Variants in LURAP1L observed in about 807,000 individuals in gnomAD.
LURAP1L encodes leucine rich adaptor protein 1-like.
In LURAP1L, 12 loss-of-function variants were observed where a neutral mutation model predicts 13.8. That is an observed-to-expected ratio of 0.87 (90% confidence interval 0.56 to 1.41). The LOEUF (loss-of-function observed/expected upper bound fraction) is 1.41, where lower values mean the gene tolerates loss of function less well. Ranked by LOEUF, LURAP1L falls within the 40% of genes most tolerant of loss-of-function variation. LURAP1L has a pLI of 0.00. For missense variants in LURAP1L, 375 were observed against 292.9 expected (o/e 1.28, Z -2.04); for synonymous variants, 139 against 119.2 (o/e 1.17, Z -1.08).
intron 1 of LURAP1L, among the ~76,000 whole-genome samples, chr9:12,786,581 T>TATATATATATATATATATACAC (rs61134838): frequency 8.2e-6 from 1 of 121,438 alleles, no homozygotes; most frequent in East Asian, 2.8e-4. Flanking sequence ...TATATATATA[T>TATATATATATATATATATACAC]AAACCCTTGT....
chr9:12,798,044 T>C (rs1392339205), intron 1 of LURAP1L, among the ~76,000 whole-genome samples: 2 of 152,160 alleles, frequency 1.3e-5, no homozygotes, highest in Non-Finnish European at 2.9e-5. Context: ...TGCAGTGTTT[T>C]ATGGGTATTG....
At chr9:12,787,307 T>A (rs757941498) in intron 1 of LURAP1L, among the ~76,000 whole-genome samples, 1 of 152,144 alleles carries the variant, frequency 6.6e-6, no homozygotes, top group Non-Finnish European at 1.5e-5. Flanking sequence ...TCTGAGAAGT[T>A]CATGACGCAG....
chr9:12,815,127 G>T (rs1444607901), intron 1 of LURAP1L, among the ~76,000 whole-genome samples: 4 of 152,132 alleles, frequency 2.6e-5, no homozygotes, highest in Non-Finnish European at 5.9e-5. Context: ...ACAGAGGAGT[G>T]ATTTATAAGT....
At chr9:12,792,048 AG>A (rs1249485268) in intron 1 of LURAP1L, among the ~76,000 whole-genome samples, 27 of 152,158 alleles carry the variant, frequency 1.8e-4, no homozygotes, top group Non-Finnish European at 1.5e-5. Flanking sequence ...AGGGTTGATT[AG>A]AAGAACATGC....
At chr9:12,777,462 G>C in intron 1 of LURAP1L, 1 of 985,270 alleles carries the variant, frequency 1.0e-6, no homozygotes, top group Non-Finnish European at 1.2e-6. Context: ...CTTAATATGA[G>C]GGACGAAGAC....
chr9:12,798,785 T>C (rs1244340705), intron 1 of LURAP1L, among the ~76,000 whole-genome samples: 2 of 152,204 alleles, frequency 1.3e-5, no homozygotes, highest in African/African-American at 4.8e-5. Context: ...AGTGCATGAC[T>C]TTTAGGTAAC....
chr9:12,818,483 T>C (rs1291658897), intron 1 of LURAP1L, among the ~76,000 whole-genome samples: 1 of 152,184 alleles, frequency 6.6e-6, no homozygotes, highest in African/African-American at 2.4e-5. Context: ...GGAAGAAATG[T>C]GAGACATGGC....
chr9:12,783,419 C>A (rs905267967), intron 1 of LURAP1L, among the ~76,000 whole-genome samples: 1 of 151,952 alleles, frequency 6.6e-6, no homozygotes, highest in Non-Finnish European at 1.5e-5. Flanking sequence ...TAAAGAGATG[C>A]CAAATTTTAT....
intron 1 of LURAP1L, among the ~76,000 whole-genome samples, chr9:12,808,203 T>G (rs1819687274): frequency 6.6e-6 from 1 of 152,108 alleles, no homozygotes; most frequent in Non-Finnish European, 1.5e-5. Flanking sequence ...TTTCTGCCGA[T>G]ATATTTTTCT....
chr9:12,815,833 G>A (rs1358284310), intron 1 of LURAP1L, among the ~76,000 whole-genome samples: 1 of 152,172 alleles, frequency 6.6e-6, no homozygotes, highest in East Asian at 1.9e-4. Context: ...AAGATGATAT[G>A]CACGTTTGTC....
intron 1 of LURAP1L, among the ~76,000 whole-genome samples, chr9:12,816,659 T>C (rs953182861): frequency 1.3e-5 from 2 of 152,198 alleles, no homozygotes; most frequent in African/African-American, 4.8e-5. Flanking sequence ...CCTTCAAGAT[T>C]CCTCATTTCA....
chr9:12,807,783 C>T (rs902379449), intron 1 of LURAP1L, among the ~76,000 whole-genome samples: 4 of 151,876 alleles, frequency 2.6e-5, no homozygotes, highest in African/African-American at 9.7e-5. Context: ...CTTTTCTTTG[C>T]TTTTTTGTCT....
intron 1 of LURAP1L, among the ~76,000 whole-genome samples, chr9:12,797,165 C>T (rs2118503802): frequency 6.6e-6 from 1 of 152,070 alleles, no homozygotes; most frequent in Non-Finnish European, 1.5e-5. Flanking sequence ...GCATTGCTAC[C>T]AGGACTCTTG....
intron 1 of LURAP1L, among the ~76,000 whole-genome samples, chr9:12,783,619 G>C (rs1490744848): frequency 3.3e-5 from 5 of 151,880 alleles, no homozygotes; most frequent in Non-Finnish European, 7.4e-5. Context: ...TTTTGTTTTG[G>C]ATTTTTGCAT....
intron 1 of LURAP1L, among the ~76,000 whole-genome samples, chr9:12,786,566 AT>A (rs1563888363): frequency 8.1e-5 from 10 of 123,312 alleles, no homozygotes; most frequent in East Asian, 7.4e-4. Flanking sequence ...ATATATATAT[AT>A]ATATATATAT....
chr9:12,776,882 G>C (rs1030956271), intron 1 of LURAP1L, among the ~76,000 whole-genome samples: 3 of 152,050 alleles, frequency 2.0e-5, no homozygotes, highest in African/African-American at 7.2e-5. Context: ...ATGAGCTCTT[G>C]GGCACGTCAC....
At chr9:12,795,765 A>G (rs1366080445) in intron 1 of LURAP1L, among the ~76,000 whole-genome samples, 1 of 152,006 alleles carries the variant, frequency 6.6e-6, no homozygotes, top group African/African-American at 2.4e-5. Flanking sequence ...TTTTTCTTAC[A>G]ATTGTCTTCT....
At chr9:12,779,090 C>G (rs1819231949) in intron 1 of LURAP1L, among the ~76,000 whole-genome samples, 1 of 152,088 alleles carries the variant, frequency 6.6e-6, no homozygotes, top group African/African-American at 2.4e-5. Context: ...CTCTCATTCT[C>G]TCTCTCTCAA....
At chr9:12,812,400 T>C (rs979270123) in intron 1 of LURAP1L, among the ~76,000 whole-genome samples, 1 of 152,206 alleles carries the variant, frequency 6.6e-6, no homozygotes, top group Admixed American at 6.5e-5. Context: ...GCAGCGCCCA[T>C]CCATTTTATT....
Sources: allele counts gnomAD v4.1 joint callset (sites outside exome capture counted in the v4.1 genomes callset), GRCh38; gene constraint gnomAD v4.1.1; transcripts MANE v1.5; gene names NCBI Gene and HGNC (gene_info 2026-07-23, HGNC 2026-07-21).